Variants in GADL1 observed in about 807,000 individuals in gnomAD.
GADL1 encodes acidic amino acid decarboxylase GADL1.
A neutral mutation model predicts 69.5 loss-of-function variants in GADL1; 71 were observed. The observed-to-expected ratio is 1.02, with a 90% CI of 0.84 to 1.25. The LOEUF (loss-of-function observed/expected upper bound fraction) is 1.25. GADL1 is among the 50% of genes most tolerant of loss of function. The pLI is 0.00. For synonymous variants in GADL1, 254 were observed against 214.4 expected, an observed-to-expected ratio of 1.18 and a Z score of -1.62; for missense variants, 737 against 631.8, an observed-to-expected ratio of 1.17 and a Z score of -1.79.
chr3:30,815,187 C>T lies in GADL1; in HGVS notation c.1051-14099G>A, dbSNP rs371672613. On this transcript the variant is annotated intron_variant, in intron 11 of 14. Coordinates refer to ENST00000282538, the MANE Select transcript of GADL1 (RefSeq NM_207359.3). ...TAATTTCTAATTTTCATTGTTCCCCCGATGCCCCAAGAAGAAAAAAAATTT... is the reference window on the plus strand; with the variant it reads ...TAATTTCTAATTTTCATTGTTCCCCTGATGCCCCAAGAAGAAAAAAAATTT... Among the ~76,000 whole-genome samples the T allele has an allele frequency of 3.0e-4, 46 of 151,994 alleles. No homozygotes were observed. The East Asian group carries it at 7.7e-3, about 26-fold the overall frequency.
intron 14 of GADL1, among the ~76,000 whole-genome samples, chr3:30,761,416 C>T (rs1696128102): frequency 6.6e-6 from 1 of 152,002 alleles, no homozygotes; most frequent in Admixed American, 6.6e-5. Context: ...TTCCAGGCAC[C>T]CAGTGTCGGT....
intron 14 of GADL1, among the ~76,000 whole-genome samples, chr3:30,767,063 TA>T (rs1425471279): frequency 6.6e-6 from 1 of 152,224 alleles, no homozygotes; most frequent in African/African-American, 2.4e-5. Flanking sequence ...CACTTTGGTA[TA>T]ATGCTTAAAT....
intron 11 of GADL1, among the ~76,000 whole-genome samples, chr3:30,824,800 A>G (rs1359980774): frequency 6.6e-6 from 1 of 151,956 alleles, no homozygotes; most frequent in Admixed American, 6.6e-5. Context: ...AGTATCAGAA[A>G]GAAACACGTG....
intron 1 of GADL1, among the ~76,000 whole-genome samples, chr3:30,872,234 G>A (rs1698503196): frequency 6.6e-6 from 1 of 151,882 alleles, no homozygotes; most frequent in African/African-American, 2.4e-5. Context: ...TTCAGTCCCA[G>A]TTTGGAGCAC....
At chr3:30,797,802 C>A (rs189042464) in intron 12 of GADL1, 243 of 151,942 alleles carry the variant, frequency 1.6e-3, no homozygotes, top group African/African-American at 5.6e-3. Context: ...AGCAAAAAAT[C>A]CAGGTTTTTT....
intron 1 of GADL1, among the ~76,000 whole-genome samples, chr3:30,888,408 A>C (rs541074997): frequency 2.3e-4 from 35 of 152,288 alleles, no homozygotes; most frequent in Admixed American, 2.1e-3. Flanking sequence ...AAACAGAATC[A>C]CCATCGTGGA....
chr3:30,778,298 A>C lies in GADL1; in HGVS notation c.1303-30T>G, dbSNP rs376031872. ...GAATTAGAAAAAATATAAAGTTGTT[A>C]TCTTAAGATTTATCTTAGAATGCAA... On this transcript the variant is annotated intron_variant, in intron 13 of 14. Transcript: ENST00000282538. 1.2e-5 allele frequency: 16 copies of C among 1,361,252 alleles called. No individual in the cohort carries two copies. The African/African-American group carries it at 2.1e-4, about 17-fold the overall frequency. 84.3% of individuals were successfully genotyped at this position (1,361,252 alleles called of 1,614,324 possible).
intron 14 of GADL1, among the ~76,000 whole-genome samples, chr3:30,775,040 G>C (rs1426994880): frequency 2.6e-5 from 4 of 152,138 alleles, no homozygotes; most frequent in Non-Finnish European, 5.9e-5. Flanking sequence ...AGTCAGAGGA[G>C]GATTTTACGG....
At position 30,786,343 on chromosome 3, in the gene GADL1, G is replaced by A. The variant is rs1438926404; in HGVS notation, c.1302+12C>T. On this transcript the variant is annotated intron_variant, in intron 13 of 14. Transcript: ENST00000282538. ...CTGACAAAATCACAAGCACAATTAT[G>A]CAATCACTTACTTCCATCAGTAACT... is the stretch of plus-strand genomic sequence containing the variant. The A allele has an allele frequency of 2.0e-6, 3 of 1,521,372 alleles. No individual in the cohort carries two copies. Among genetic ancestry groups the A allele is most frequent in the Middle Eastern group, 3.4e-4 (2 of 5,890 alleles). 94.2% of individuals were successfully genotyped at this position (1,521,372 alleles called of 1,614,324 possible).
At chr3:30,808,364 GT>G (rs1340332805) in intron 11 of GADL1, among the ~76,000 whole-genome samples, 2 of 152,088 alleles carry the variant, frequency 1.3e-5, no homozygotes, top group Non-Finnish European at 2.9e-5. Flanking sequence ...GGGCATGGTG[GT>G]TGCATGCCTG....
intron 8 of GADL1, among the ~76,000 whole-genome samples, chr3:30,842,070 G>A (rs114185700): frequency 5.9e-5 from 9 of 152,132 alleles, no homozygotes; most frequent in South Asian, 2.1e-4. Flanking sequence ...CAATGGTAGT[G>A]GGGGGAAAGA....
At chr3:30,761,284 C>A (rs1696124068) in intron 14 of GADL1, among the ~76,000 whole-genome samples, 1 of 123,260 alleles carries the variant, frequency 8.1e-6, no homozygotes, top group African/African-American at 2.9e-5. Context: ...CAGCTAGAGC[C>A]TCTCAGAGCT....
chr3:30,830,952 A>T (rs942837292), intron 11 of GADL1, among the ~76,000 whole-genome samples: 2 of 150,874 alleles, frequency 1.3e-5, no homozygotes, highest in Admixed American at 6.7e-5. Flanking sequence ...CTCATCTCCC[A>T]TAATTGATAA....
At chr3:30,884,125 C>T (rs772165107) in intron 1 of GADL1, among the ~76,000 whole-genome samples, 14 of 151,930 alleles carry the variant, frequency 9.2e-5, no homozygotes, top group Admixed American at 2.0e-4. Flanking sequence ...TCCATATGAT[C>T]TTGGTGGGTG....
intron 11 of GADL1, among the ~76,000 whole-genome samples, chr3:30,816,607 G>A (rs186443031): frequency 1.1e-3 from 145 of 126,300 alleles, no homozygotes; most frequent in Non-Finnish European, 2.0e-3. Context: ...GTGCATTGGC[G>A]CTATCTTGGC....
At chr3:30,870,612 CT>C in intron 1 of GADL1, among the ~76,000 whole-genome samples, 1 of 151,706 alleles carries the variant, frequency 6.6e-6, no homozygotes, top group South Asian at 2.1e-4. Flanking sequence ...AGAGAATGAA[CT>C]GTCAAAAGAC....
At chr3:30,737,176 C>T (rs1161140463) in intron 14 of GADL1, among the ~76,000 whole-genome samples, 1 of 152,092 alleles carries the variant, frequency 6.6e-6, no homozygotes, top group Non-Finnish European at 1.5e-5. Context: ...TTTACCAGGC[C>T]ACCCAAATGC....
chr3:30,753,257 T>G (rs1408255588), intron 14 of GADL1, among the ~76,000 whole-genome samples: 1 of 152,170 alleles, frequency 6.6e-6, no homozygotes, highest in Non-Finnish European at 1.5e-5. Context: ...CAATCTACGT[T>G]ACATGATCTA....
chr3:30,757,787 G>A (rs894930077), intron 14 of GADL1, among the ~76,000 whole-genome samples: 18 of 152,040 alleles, frequency 1.2e-4, no homozygotes, highest in Non-Finnish European at 2.1e-4. Context: ...GTTCTAGTCC[G>A]TATCTTCTGG....
Sources: allele counts gnomAD v4.1 joint callset (sites outside exome capture counted in the v4.1 genomes callset), GRCh38; gene constraint gnomAD v4.1.1; transcripts MANE v1.5; gene names NCBI Gene and HGNC (gene_info 2026-07-23, HGNC 2026-07-21).